The following HEXIM1 variants were observed in gnomAD, a reference collection of about 807,000 sequenced individuals.
HEXIM1 encodes the protein protein HEXIM1.
Under a neutral mutation model 30.3 loss-of-function variants are expected in HEXIM1, and 1 was observed. The ratio of observed to expected loss-of-function variants is 0.03; its 90% CI spans 0.01 to 0.16. The LOEUF (loss-of-function observed/expected upper bound fraction) is 0.16, where lower values mean the gene tolerates loss of function less well. HEXIM1 is among the 10% of genes least tolerant of loss of function. The probability of loss-of-function intolerance (pLI) is 1.00; values close to 1 mark genes in which losing one functional copy is unlikely to be tolerated. For synonymous variants in HEXIM1, 245 were observed against 208.3 expected (o/e 1.18, Z -1.52); for missense variants, 391 against 476.4 (o/e 0.82, Z 1.67).
rs1388315653 is a variant in HEXIM1 at position 45,149,108 on chromosome 17, TTTC to T, written c.-80_-78del. 147 of 1,337,654 alleles carry T rather than the reference TTTC, an allele frequency of 1.1e-4. No individual in the cohort carries two copies. Among genetic ancestry groups the T allele is most frequent in the Middle Eastern group, 4.2e-4 (2 of 4,706 alleles). 82.9% of individuals were successfully genotyped at this position (1,337,654 alleles called of 1,614,324 possible). ...TCTGTTGGACTGTTTTTTTTTTCTT[TTTC>T]TTTTTTTTAAGAAAAACCCATTTTT... is the stretch of plus-strand genomic sequence containing the variant. On this transcript the variant is annotated 5_prime_UTR_variant, in exon 1 of 1. Transcript: ENST00000332499. This position sits in a 1 kb window ranked among gnomAD's most constrained non-coding sequence, Gnocchi z 5.3.
At position 45,149,593 on chromosome 17, in the gene HEXIM1, G is replaced by T. The variant is rs1207364761; in HGVS notation, c.403G>T (p.Ala135Ser). The change falls in exon 1 of 1, where the codon GCA (alanine) becomes TCA (serine). Residue 135 changes from alanine to serine, a missense_variant. Ala to Ser is a moderately conservative substitution (Grantham distance 99, BLOSUM62 1). This residue lies in a region of HEXIM1 where 230 missense variants were observed against 199.4 expected (regional missense o/e 1.15). Coordinates refer to ENST00000332499, the MANE Select transcript of HEXIM1 (RefSeq NM_006460.3). The surrounding 1 kb of genome is among the most constrained non-coding windows in gnomAD (Gnocchi z 5.3). ...GGCCAGTAAGTTGGGGGCTCCTGCC[G>T]CAGGGGGCGAAGAGGAGTGGGGACA... Reference protein sequence around the residue: ...SEASKLGAPAAGGEEEWGQQQ... With the variant: ...SEASKLGAPASGGEEEWGQQQ... 6 of 1,610,934 alleles carry T rather than the reference G, an allele frequency of 3.7e-6. No individual in the cohort carries two copies. The East Asian group carries it at 1.3e-4, about 36-fold the overall frequency.
chr17:45,148,933 C>T lies in HEXIM1; in HGVS notation c.-258C>T, dbSNP rs2055524100. 2 of 494,764 alleles carry T rather than the reference C, an allele frequency of 4.0e-6. No homozygotes were observed. The highest frequency in any genetic ancestry group is 7.1e-6 in the Non-Finnish European group (2 of 282,474). The allele number at this position is 494,764 out of a possible 1,614,324, so 30.6% of individuals were successfully genotyped here. On this transcript the variant is annotated 5_prime_UTR_variant, in exon 1 of 1. Transcript: ENST00000332499. ...CCACCTCCGCCCATTACGTACTGTT[C>T]CTGCCGCTGCACCCCCTTGGACCCG...
At position 45,150,241 on chromosome 17, in the gene HEXIM1, C is replaced by T. The variant is rs1264081938; in HGVS notation, c.1051C>T (p.Arg351Ter). Residue 351 changes from arginine (R) to a stop codon, truncating the protein, a stop_gained, in exon 1 of 1, where the codon CGA becomes TGA. Transcript: ENST00000332499. LOFTEE classifies it high-confidence loss of function. ...GAACGAACTGCACCGGCAGCAGGAGCGAGCGCCGCTTTCCAAGTTTGGAGA... is the reference window on the plus strand; with the variant it reads ...GAACGAACTGCACCGGCAGCAGGAGTGAGCGCCGCTTTCCAAGTTTGGAGA... ...TENELHRQQE[R>*]APLSKFGD 6.2e-7 allele frequency: 1 copy of T among 1,608,476 alleles called. No homozygotes were observed. Among genetic ancestry groups the T allele is most frequent in the Non-Finnish European group, 8.5e-7 (1 of 1,176,256 alleles).
Position 45,149,811 on chromosome 17 carries a change from G to A in HEXIM1, c.621G>A (p.Gln207=). Residue 207 remains glutamine (Q), a synonymous_variant, in exon 1 of 1, where the codon CAG becomes CAA. Transcript: ENST00000332499. The surrounding 1 kb of genome is among the most constrained non-coding windows in gnomAD (Gnocchi z 5.3). ...GQPVAPYNTT[Q]FLMDDHDQEE... ...CGGTCGCGCCCTATAACACCACGCA[G>A]TTCCTCATGGATGATCACGACCAGG... The A allele has an allele frequency of 6.2e-7, 1 of 1,613,862 alleles. No individual in the cohort carries two copies. Among genetic ancestry groups the A allele is most frequent in the Non-Finnish European group, 8.5e-7 (1 of 1,180,022 alleles).
At position 45,150,293 on chromosome 17, in the gene HEXIM1, G is replaced by A; in HGVS notation, c.*23G>A. 6.2e-7 allele frequency: 1 copy of A among 1,600,246 alleles called. No individual in the cohort carries two copies. The highest frequency in any genetic ancestry group is 8.5e-7 in the Non-Finnish European group (1 of 1,171,492). On this transcript the variant is annotated 3_prime_UTR_variant, in exon 1 of 1. Transcript: ENST00000332499. ...TAGACTGAAACTTTTTTGGGGGAGG[G>A]GGCAAAGGGGACTTTTTACAGTGAT...
rs1192689143 is a variant in HEXIM1 at position 45,149,044 on chromosome 17, C to A, written c.-147C>A. The A allele has an allele frequency of 1.3e-6, 1 of 796,866 alleles. No homozygotes were observed. Among genetic ancestry groups the A allele is most frequent in the Non-Finnish European group, 1.9e-6 (1 of 514,870 alleles). 49.4% of individuals were successfully genotyped at this position (796,866 alleles called of 1,614,324 possible). ...TGGAGTTTGCTGATAGAAGGACTAG[C>A]TAAAGGCGTCACTGCAGGAATTACA... On this transcript the variant is annotated 5_prime_UTR_variant, in exon 1 of 1. Transcript: ENST00000332499. This position sits in a 1 kb window ranked among gnomAD's most constrained non-coding sequence, Gnocchi z 5.3.
In HEXIM1 at chr17:45,148,845, C is replaced by T. The variant is rs1314548154; in HGVS notation, c.-346C>T. ...TCGGGGCTGGGTTTCACGCACTGGA[C>T]TTACCCTCATCACCTTGCTCACCAA... On this transcript the variant is annotated 5_prime_UTR_variant, in exon 1 of 1. Transcript: ENST00000332499. 3 of 426,606 alleles carry T rather than the reference C, an allele frequency of 7.0e-6. No homozygotes were observed. The highest frequency in any genetic ancestry group is 7.6e-5 in the South Asian group (1 of 13,092). The allele number at this position is 426,606 out of a possible 1,614,324, so 26.4% of individuals were successfully genotyped here.
chr17:45,150,383 G>A lies in HEXIM1; in HGVS notation c.*113G>A, dbSNP rs2055538999. 3 of 1,298,724 alleles carry A rather than the reference G, an allele frequency of 2.3e-6. No homozygotes were observed. Among genetic ancestry groups the A allele is most frequent in the South Asian group, 1.5e-5 (1 of 66,384 alleles). 80.5% of individuals were successfully genotyped at this position (1,298,724 alleles called of 1,614,324 possible). On this transcript the variant is annotated 3_prime_UTR_variant, in exon 1 of 1. Coordinates refer to ENST00000332499, the MANE Select transcript of HEXIM1 (RefSeq NM_006460.3). Reference sequence around the variant, plus strand: ...ACCTTTTTATGACACATAATCAGAAGAGAAATCCCCCTGGCTTTGGTTTCG... The same window carrying A: ...ACCTTTTTATGACACATAATCAGAAAAGAAATCCCCCTGGCTTTGGTTTCG...
Position 45,150,088 on chromosome 17 carries a change from C to T in HEXIM1, c.898C>T (p.Arg300Cys), listed in dbSNP as rs2055535272. Reference sequence around the variant, plus strand: ...CCTGGAACTGGAGAAGTGCCTCTCGCGCATGGAGGACGAGAACAACCGGCT... The same window carrying T: ...CCTGGAACTGGAGAAGTGCCTCTCGTGCATGGAGGACGAGAACAACCGGCT... Reference protein sequence around the residue: ...EYLELEKCLSRMEDENNRLRL... With the variant: ...EYLELEKCLSCMEDENNRLRL... The change falls in exon 1 of 1, where the codon CGC (arginine) becomes TGC (cysteine). Residue 300 changes from arginine to cysteine, a missense_variant. This residue lies in a region of HEXIM1 where 20 missense variants were observed against 68.1 expected (regional missense o/e 0.29). Coordinates refer to ENST00000332499, the MANE Select transcript of HEXIM1 (RefSeq NM_006460.3). The T allele has an allele frequency of 6.2e-7, 1 of 1,613,740 alleles. No individual in the cohort carries two copies. The highest frequency in any genetic ancestry group is 8.5e-7 in the Non-Finnish European group (1 of 1,180,046).
At chr17:45,152,098 AAT>A (rs1455976038) in exon 1 of HEXIM1, 2 of 166,812 alleles carry the variant, frequency 1.2e-5, no homozygotes, top group African/African-American at 4.8e-5. Context: ...TTTATTTTGA[AAT>A]AGTTTTCTTC....
chr17:45,150,508 C>A lies in HEXIM1; in HGVS notation c.*238C>A. 1 of 501,036 alleles carries A rather than the reference C, an allele frequency of 2.0e-6. No individual in the cohort carries two copies. The highest frequency in any genetic ancestry group is 3.6e-6 in the Non-Finnish European group (1 of 281,328). 31.0% of individuals were successfully genotyped at this position (501,036 alleles called of 1,614,324 possible). ...TGTTTTCCTTTTTAGAAGTTTTTTTCCTTAATGTGAAAGTAATTTGACCAA... is the reference window on the plus strand; with the variant it reads ...TGTTTTCCTTTTTAGAAGTTTTTTTACTTAATGTGAAAGTAATTTGACCAA... On this transcript the variant is annotated 3_prime_UTR_variant, in exon 1 of 1. Coordinates refer to ENST00000332499, the MANE Select transcript of HEXIM1 (RefSeq NM_006460.3).
In HEXIM1 at chr17:45,150,822, G is replaced by A. The variant is rs1801921; in HGVS notation, c.*552G>A. Reference sequence around the variant, plus strand: ...CAATTTTTTCCTTGAATGGGTTTAAGTATGCTACAATATACAGTTCAGGCA... The same window carrying A: ...CAATTTTTTCCTTGAATGGGTTTAAATATGCTACAATATACAGTTCAGGCA... On this transcript the variant is annotated 3_prime_UTR_variant, in exon 1 of 1. Transcript: ENST00000332499. 5.9e-6 allele frequency: 1 copy of A among 169,202 alleles called. No individual in the cohort carries two copies. Among genetic ancestry groups the A allele is most frequent in the African/African-American group, 2.4e-5 (1 of 41,392 alleles). 10.5% of individuals were successfully genotyped at this position (169,202 alleles called of 1,614,324 possible). A position where few individuals can be genotyped will look rare whatever the true frequency, so the allele number is the denominator to read the frequency against.
Position 45,149,633 on chromosome 17 carries a change from T to C in HEXIM1, c.443T>C (p.Leu148Pro). Residue 148 changes from leucine (L) to proline (P), a missense_variant, in exon 1 of 1, where the codon CTG becomes CCG. Leu to Pro is a moderately conservative substitution (Grantham distance 98). This residue lies in a region of HEXIM1 where 230 missense variants were observed against 199.4 expected (regional missense o/e 1.15). Transcript: ENST00000332499. This position sits in a 1 kb window ranked among gnomAD's most constrained non-coding sequence, Gnocchi z 5.3. ...EEEWGQQQRQ[L>P]GKKKHRRRPS... ...GAGTGGGGACAGCAGCAGAGACAGC[T>C]GGGGAAGAAAAAACATAGGAGACGC... 6.2e-7 allele frequency: 1 copy of C among 1,612,748 alleles called. No homozygotes were observed. The highest frequency in any genetic ancestry group is 8.5e-7 in the Non-Finnish European group (1 of 1,179,800).
rs541011575 is a variant in HEXIM1 at position 45,150,212 on chromosome 17, C to A, written c.1022C>A (p.Thr341Asn). Residue 341 changes from threonine (T) to asparagine (N), a missense_variant, in exon 1 of 1, where the codon ACC becomes AAC. By Grantham distance (65) the Thr-to-Asn change is moderately conservative. Coordinates refer to ENST00000332499, the MANE Select transcript of HEXIM1 (RefSeq NM_006460.3). ...RLRAENLQLL[T>N]ENELHRQQER... ...CGCGCCGAGAACCTCCAGCTGCTGA[C>A]CGAGAACGAACTGCACCGGCAGCAG... The A allele has an allele frequency of 2.5e-6, 4 of 1,612,544 alleles. No individual in the cohort carries two copies. In the African/African-American group the frequency reaches 4.0e-5, roughly 16 times the overall value.
chr17:45,149,850 C>G lies in HEXIM1; in HGVS notation c.660C>G (p.Leu220=), dbSNP rs369159677. ...ATCACGACCAGGAGGAGCCGGATCTCAAAACCGGCCTGTACTCCAAGCGGG... is the reference window on the plus strand; with the variant it reads ...ATCACGACCAGGAGGAGCCGGATCTGAAAACCGGCCTGTACTCCAAGCGGG... ...MDDHDQEEPD[L]KTGLYSKRAA... The change falls in exon 1 of 1, where the codon CTC becomes CTG. Residue 220 remains leucine (L), a synonymous_variant. Coordinates refer to ENST00000332499, the MANE Select transcript of HEXIM1 (RefSeq NM_006460.3). The surrounding 1 kb of genome is among the most constrained non-coding windows in gnomAD (Gnocchi z 5.3). 6.2e-7 allele frequency: 1 copy of G among 1,613,612 alleles called. No homozygotes were observed. Among genetic ancestry groups the G allele is most frequent in the Non-Finnish European group, 8.5e-7 (1 of 1,180,002 alleles).
chr17:45,149,435 C>G lies in HEXIM1; in HGVS notation c.245C>G (p.Ser82Cys). The G allele has an allele frequency of 6.2e-7, 1 of 1,613,182 alleles. No individual in the cohort carries two copies. The highest frequency in any genetic ancestry group is 8.5e-7 in the Non-Finnish European group (1 of 1,179,900). The change falls in exon 1 of 1, where the codon TCT (serine) becomes TGT (cysteine). Residue 82 changes from serine to cysteine, a missense_variant. Physicochemically the swap from Ser to Cys is moderately radical, Grantham distance 112. Transcript: ENST00000332499. The surrounding 1 kb of genome is among the most constrained non-coding windows in gnomAD (Gnocchi z 5.3). ...TTGCAGACCCAGGCCTGTCCAGAAT[C>G]TAGCTGCCTGAGAGAGGGCGAGAAG... is the stretch of plus-strand genomic sequence containing the variant. ...PPLQTQACPE[S>C]SCLREGEKGQ...
In HEXIM1 at chr17:45,152,028, T is replaced by C. The variant is rs535860984; in HGVS notation, c.*1758T>C. ...TGAGTTGGTCCTGTTCTGGCACATA[T>C]GGTCCACTGGAGACAATGTATGATT... On this transcript the variant is annotated 3_prime_UTR_variant, in exon 1 of 1. Coordinates refer to ENST00000332499, the MANE Select transcript of HEXIM1 (RefSeq NM_006460.3). The C allele has an allele frequency of 6.0e-6, 1 of 167,246 alleles. No homozygotes were observed. Among genetic ancestry groups the C allele is most frequent in the Admixed American group, 6.5e-5 (1 of 15,312 alleles). The allele number at this position is 167,246 out of a possible 1,614,324, so 10.4% of individuals were successfully genotyped here.
rs149955210 is a variant in HEXIM1, at chr17:45,149,308, G to A, written c.118G>A (p.Val40Met). The A allele has an allele frequency of 2.1e-5, 34 of 1,613,722 alleles. No homozygotes were observed. The African/African-American group carries it at 4.1e-4, about 20-fold the overall frequency. Residue 40 changes from valine to methionine, a missense_variant, in exon 1 of 1, where the codon GTG becomes ATG. This residue lies in a region of HEXIM1 where 230 missense variants were observed against 199.4 expected (regional missense o/e 1.15). Transcript: ENST00000332499. This position sits in a 1 kb window ranked among gnomAD's most constrained non-coding sequence, Gnocchi z 5.3. ...GCGCCCCCCAGGCGCGGAGGAGCGGGTGCCCGAGGAGGACAGTAGGTGGCA... is the reference window on the plus strand; with the variant it reads ...GCGCCCCCCAGGCGCGGAGGAGCGGATGCCCGAGGAGGACAGTAGGTGGCA... ...PERPPGAEER[V>M]PEEDSRWQSR... is the part of the protein sequence containing the mutation.
In HEXIM1 at chr17:45,148,488, T is replaced by TGGCAGGTGGAGA. The variant is rs1465106121; in HGVS notation, c.-695_-684dup. ...GGACTGGGAGACAGCAGTTGGAAGT[T>TGGCAGGTGGAGA]GGCAGGTGGAGAGGCAGGTTGGGAG... On this transcript the variant is annotated 5_prime_UTR_variant, in exon 1 of 1. Coordinates refer to ENST00000332499, the MANE Select transcript of HEXIM1 (RefSeq NM_006460.3). The TGGCAGGTGGAGA allele has an allele frequency of 2.7e-6, 1 of 373,232 alleles. No individual in the cohort carries two copies. Among genetic ancestry groups the TGGCAGGTGGAGA allele is most frequent in the Non-Finnish European group, 4.6e-6 (1 of 215,972 alleles). 23.1% of individuals were successfully genotyped at this position (373,232 alleles called of 1,614,324 possible). A position where few individuals can be genotyped will look rare whatever the true frequency, so the allele number is the denominator to read the frequency against.
Sources: allele counts gnomAD v4.1 joint callset, GRCh38; gene constraint gnomAD v4.1.1; regional missense constraint gnomAD v4.1.1; non-coding constraint Gnocchi (gnomAD v3.1); transcripts MANE v1.5; gene names NCBI Gene and HGNC (gene_info 2026-07-23, HGNC 2026-07-21).